The following PRMT3 variants were observed in gnomAD, a reference collection of about 807,000 sequenced individuals.
PRMT3 encodes the protein protein arginine N-methyltransferase 3.
PRMT3 carries 62 observed loss-of-function variants against 71.9 expected under a neutral mutation model. That is an observed-to-expected ratio of 0.86 (90% CI 0.70 to 1.07). The LOEUF is 1.07. Among genes scored for constraint, PRMT3 ranks in the 50% least tolerant of loss-of-function variants. The probability of loss-of-function intolerance (pLI) is 0.00; values close to 1 mark genes in which losing one functional copy is unlikely to be tolerated. For missense variants in PRMT3, 663 were observed against 643.0 expected (o/e 1.03, Z -0.34); for synonymous variants, 213 against 220.4 (o/e 0.97, Z 0.30).
At chr11:20,393,491 A>G (rs1231042003) in intron 5 of PRMT3, among the ~76,000 whole-genome samples, 1 of 152,208 alleles carries the variant, frequency 6.6e-6, no homozygotes, top group Admixed American at 6.5e-5. Context: ...TGAGGTTTAT[A>G]CACATTTATA....
chr11:20,456,908 C>G (rs563336051), intron 11 of PRMT3, among the ~76,000 whole-genome samples: 1 of 152,008 alleles, frequency 6.6e-6, no homozygotes, highest in Non-Finnish European at 1.5e-5. Flanking sequence ...GAGTCTGTCC[C>G]TGTCACCCAG....
chr11:20,409,037 C>T (rs1014916106), intron 9 of PRMT3, among the ~76,000 whole-genome samples: 1 of 152,086 alleles, frequency 6.6e-6, no homozygotes, highest in Admixed American at 6.6e-5. Flanking sequence ...GTGGAGGCTG[C>T]AGTGAGCCGT....
chr11:20,412,294 G>A (rs1849210768), intron 9 of PRMT3, among the ~76,000 whole-genome samples: 1 of 152,058 alleles, frequency 6.6e-6, no homozygotes, highest in African/African-American at 2.4e-5. Flanking sequence ...TAGAGTCATG[G>A]TCATCAGAGC....
At chr11:20,400,637 C>G (rs901123551) in intron 7 of PRMT3, among the ~76,000 whole-genome samples, 1 of 152,078 alleles carries the variant, frequency 6.6e-6, no homozygotes, top group Non-Finnish European at 1.5e-5. Context: ...TGCACTTGGT[C>G]CACCTTTATG....
intron 13 of PRMT3, among the ~76,000 whole-genome samples, chr11:20,473,815 T>C (rs1166604913): frequency 6.6e-6 from 1 of 152,184 alleles, no homozygotes; most frequent in Non-Finnish European, 1.5e-5. Context: ...TTGCAGTCAT[T>C]TGGAGGAAGA....
intron 11 of PRMT3, among the ~76,000 whole-genome samples, chr11:20,461,479 G>A (rs1736510578): frequency 6.6e-6 from 1 of 152,170 alleles, no homozygotes; most frequent in Non-Finnish European, 1.5e-5. Flanking sequence ...TGGCACATGT[G>A]TCTGGCACAT....
At chr11:20,491,070 A>G (rs185027557) in intron 13 of PRMT3, among the ~76,000 whole-genome samples, 1 of 152,246 alleles carries the variant, frequency 6.6e-6, no homozygotes, top group East Asian at 1.9e-4. Flanking sequence ...CCCTTCTTCA[A>G]ATTGGATAAT....
intron 13 of PRMT3, among the ~76,000 whole-genome samples, chr11:20,470,900 A>C (rs1850628482): frequency 6.6e-6 from 1 of 152,074 alleles, no homozygotes. Flanking sequence ...CCTCACCAGC[A>C]TCTGTTTTAC....
intron 13 of PRMT3, among the ~76,000 whole-genome samples, chr11:20,468,511 G>T (rs1449046118): frequency 6.6e-6 from 1 of 152,130 alleles, no homozygotes; most frequent in African/African-American, 2.4e-5. Context: ...TGGGACTGCA[G>T]ATGTGCGCCA....
chr11:20,481,886 C>A (rs1850945585), intron 13 of PRMT3, among the ~76,000 whole-genome samples: 1 of 151,478 alleles, frequency 6.6e-6, no homozygotes, highest in African/African-American at 2.4e-5. Flanking sequence ...TTTTTTCAAC[C>A]CATTCTTTGT....
chr11:20,464,474 T>C lies in PRMT3; in HGVS notation c.1275T>C (p.His425=), dbSNP rs147716208. 2 of 1,610,332 alleles carry C rather than the reference T, an allele frequency of 1.2e-6. No homozygotes were observed. Among genetic ancestry groups the C allele is most frequent in the Non-Finnish European group, 1.7e-6 (2 of 1,178,370 alleles). ...EPCGIKHIDC[H]TTSISDLEFS... ...TTAATGGGTAGCATATAGATTGCCATACGACGTCTATCTCAGATTTGGAAT... is the reference window on the plus strand; with the variant it reads ...TTAATGGGTAGCATATAGATTGCCACACGACGTCTATCTCAGATTTGGAAT... The change falls in exon 13 of 16, where the codon CAT becomes CAC. Residue 425 remains histidine (H), a synonymous_variant. Coordinates refer to ENST00000331079, the MANE Select transcript of PRMT3 (RefSeq NM_005788.4).
intron 11 of PRMT3, among the ~76,000 whole-genome samples, chr11:20,458,307 A>G (rs1310050513): frequency 6.6e-6 from 1 of 152,158 alleles, no homozygotes; most frequent in Admixed American, 6.6e-5. Context: ...TTCTTTATGC[A>G]TCTCTATCTT....
At chr11:20,440,798 T>G (rs1434273191) in intron 10 of PRMT3, among the ~76,000 whole-genome samples, 1 of 152,196 alleles carries the variant, frequency 6.6e-6, no homozygotes, top group Non-Finnish European at 1.5e-5. Flanking sequence ...TTGGCAGTTC[T>G]TTTTACTAAT....
intron 3 of PRMT3, among the ~76,000 whole-genome samples, chr11:20,392,004 T>C (rs191885483): frequency 6.6e-6 from 1 of 152,350 alleles, no homozygotes; most frequent in African/African-American, 2.4e-5. Context: ...CTAGAAAAGC[T>C]TTAATTTGTC....
At chr11:20,397,429 G>A in intron 6 of PRMT3, 148 bp from the exon 7 acceptor site, 1 of 731,944 alleles carries the variant, frequency 1.4e-6, no homozygotes. Flanking sequence ...ATCCAGCAGG[G>A]GGAGCTTTCA....
rs199671505 is a variant in PRMT3 at position 20,452,214 on chromosome 11, T to C, written c.1072+6T>C. 6 of 1,589,558 alleles carry C rather than the reference T, an allele frequency of 3.8e-6. No individual in the cohort carries two copies. In the African/African-American group the frequency reaches 8.1e-5, roughly 21 times the overall value. ...CTTGGCAAAAGGAGGCTCGGGTGAG[T>C]ATAAAATTCTGGTTTTAATAATCTA... On this transcript the variant is annotated splice_donor_region_variant and intron_variant, in intron 11 of 15. Transcript: ENST00000331079.
chr11:20,439,766 A>T (rs1178503003), intron 10 of PRMT3, among the ~76,000 whole-genome samples: 1 of 152,234 alleles, frequency 6.6e-6, no homozygotes, highest in African/African-American at 2.4e-5. Context: ...AACCATGTTT[A>T]TGTGGAGTTT....
intron 15 of PRMT3, among the ~76,000 whole-genome samples, chr11:20,502,784 C>T (rs1851488790): frequency 1.3e-5 from 2 of 152,056 alleles, no homozygotes; most frequent in Admixed American, 1.3e-4. Context: ...GAGCAGCAAC[C>T]ATCAGAACAA....
In PRMT3 at chr11:20,508,463, T is replaced by A; in HGVS notation, c.*50T>A. 1 of 1,338,202 alleles carries A rather than the reference T, an allele frequency of 7.5e-7. No individual in the cohort carries two copies. Among genetic ancestry groups the A allele is most frequent in the Non-Finnish European group, 1.1e-6 (1 of 929,334 alleles). 82.9% of individuals were successfully genotyped at this position (1,338,202 alleles called of 1,614,324 possible). ...TGTAGTTTTTAATGTGGGGGTAGAG[T>A]GGGTCAGCAGGAGGGAGCTGGTTTT... On this transcript the variant is annotated 3_prime_UTR_variant, in exon 16 of 16. Coordinates refer to ENST00000331079, the MANE Select transcript of PRMT3 (RefSeq NM_005788.4).
Sources: gnomAD v4.1 joint callset for allele counts (sites outside exome capture counted in the v4.1 genomes callset) on GRCh38, gnomAD v4.1.1 for gene constraint, MANE v1.5 for transcripts, NCBI Gene and HGNC (gene_info 2026-07-23, HGNC 2026-07-21) for gene names.